Variants in C1orf21 observed in about 807,000 individuals in gnomAD.
C1orf21 encodes uncharacterized protein C1orf21.
In C1orf21, 3 loss-of-function variants were observed where a neutral mutation model predicts 18.7. The observed-to-expected ratio is 0.16, with a 90% CI of 0.07 to 0.42. C1orf21 has a LOEUF of 0.42. Among genes scored for constraint, C1orf21 ranks in the 10% least tolerant of loss-of-function variants. The pLI is 0.99. For missense variants in C1orf21, 104 were observed against 143.6 expected (o/e 0.72, Z 1.41); for synonymous variants, 41 against 46.4 (o/e 0.88, Z 0.47).
At chr1:184,614,636 C>T (rs1367978139) in intron 5 of C1orf21, among the ~76,000 whole-genome samples, 1 of 152,102 alleles carries the variant, frequency 6.6e-6, no homozygotes, top group Non-Finnish European at 1.5e-5. Context: ...TTATTGTGCA[C>T]TTAATTTCTG....
At chr1:184,414,758 G>C (rs374337204) in intron 1 of C1orf21, among the ~76,000 whole-genome samples, 1 of 152,048 alleles carries the variant, frequency 6.6e-6, no homozygotes, top group Non-Finnish European at 1.5e-5. Flanking sequence ...TGTTGATACT[G>C]TTCCTTTGTT....
chr1:184,574,949 G>A (rs1432121083), intron 3 of C1orf21, among the ~76,000 whole-genome samples: 4 of 152,198 alleles, frequency 2.6e-5, no homozygotes, highest in Non-Finnish European at 4.4e-5. Flanking sequence ...CACCAAATTC[G>A]AGGGCAAGTG....
At chr1:184,498,148 A>G (rs1657921175) in intron 2 of C1orf21, among the ~76,000 whole-genome samples, 1 of 152,102 alleles carries the variant, frequency 6.6e-6, no homozygotes, top group Non-Finnish European at 1.5e-5. Flanking sequence ...CTGCATCACA[A>G]AAGTGCACTA....
At chr1:184,494,598 T>C (rs2101957688) in intron 2 of C1orf21, among the ~76,000 whole-genome samples, 1 of 152,236 alleles carries the variant, frequency 6.6e-6, no homozygotes, top group South Asian at 2.1e-4. Flanking sequence ...CATTAGAGCA[T>C]ATTGTATCTG....
At chr1:184,584,258 T>C (rs1366258459) in intron 3 of C1orf21, among the ~76,000 whole-genome samples, 4 of 150,926 alleles carry the variant, frequency 2.7e-5, no homozygotes, top group African/African-American at 9.8e-5. Flanking sequence ...TTTATGCAAA[T>C]GCGCCAACAA....
intron 2 of C1orf21, among the ~76,000 whole-genome samples, chr1:184,483,662 G>T (rs1442871796): frequency 6.6e-6 from 1 of 152,154 alleles, no homozygotes; most frequent in Non-Finnish European, 1.5e-5. Flanking sequence ...AAGAACTGCA[G>T]TGTCCTCAGG....
intron 1 of C1orf21, among the ~76,000 whole-genome samples, chr1:184,411,462 C>T (rs1656352210): frequency 1.4e-5 from 2 of 146,012 alleles, no homozygotes; most frequent in African/African-American, 5.0e-5. Context: ...CACTCTGTCG[C>T]CCAGGCTGGA....
intron 1 of C1orf21, among the ~76,000 whole-genome samples, chr1:184,442,853 A>G (rs1286316042): frequency 6.6e-6 from 1 of 152,204 alleles, no homozygotes; most frequent in Non-Finnish European, 1.5e-5. Context: ...ATATACATTA[A>G]TGTGTGAATT....
intron 3 of C1orf21, among the ~76,000 whole-genome samples, chr1:184,547,896 T>A (rs1028237022): frequency 1.1e-4 from 16 of 152,184 alleles, no homozygotes; most frequent in African/African-American, 3.9e-4. Flanking sequence ...AGAAATGTGC[T>A]GCTCCAAGGC....
At chr1:184,514,735 C>T (rs567367568) in intron 3 of C1orf21, among the ~76,000 whole-genome samples, 1 of 152,290 alleles carries the variant, frequency 6.6e-6, no homozygotes, top group East Asian at 1.9e-4. Flanking sequence ...AATAACCTCC[C>T]TGCTTGTCGA....
At chr1:184,461,786 C>T (rs548085089) in intron 1 of C1orf21, among the ~76,000 whole-genome samples, 11 of 152,046 alleles carry the variant, frequency 7.2e-5, no homozygotes, top group Non-Finnish European at 1.5e-4. Flanking sequence ...CTTTGACGTA[C>T]AAATAAACAG....
intron 1 of C1orf21, among the ~76,000 whole-genome samples, chr1:184,456,875 T>C (rs528056115): frequency 6.6e-6 from 1 of 152,348 alleles, no homozygotes; most frequent in Admixed American, 6.5e-5. Flanking sequence ...ATATGTATTC[T>C]TAGATGTCTC....
intron 3 of C1orf21, among the ~76,000 whole-genome samples, chr1:184,586,379 G>A (rs1242926801): frequency 6.6e-6 from 1 of 151,476 alleles, no homozygotes; most frequent in African/African-American, 2.4e-5. Context: ...GCCCCCTGGG[G>A]TTCACGCCAT....
chr1:184,510,650 G>A (rs961099642), intron 3 of C1orf21, among the ~76,000 whole-genome samples: 1 of 152,190 alleles, frequency 6.6e-6, no homozygotes, highest in African/African-American at 2.4e-5. Context: ...GCAGAGAAGA[G>A]GAGTAGGTGT....
intron 3 of C1orf21, among the ~76,000 whole-genome samples, chr1:184,581,692 A>AT (rs2101995038): frequency 6.6e-6 from 1 of 152,318 alleles, no homozygotes; most frequent in African/African-American, 2.4e-5. Context: ...CTTTTAATAA[A>AT]TTTGTTGGTA....
chr1:184,547,419 A>ATTT (rs1658741569), intron 3 of C1orf21, among the ~76,000 whole-genome samples: 2 of 81,330 alleles, frequency 2.5e-5, no homozygotes, highest in African/African-American at 6.7e-5. Context: ...ATACATCCAG[A>ATTT]CTTTTTTTTT....
chr1:184,593,295 A>G (rs1330389866), intron 4 of C1orf21, among the ~76,000 whole-genome samples: 1 of 138,710 alleles, frequency 7.2e-6, no homozygotes, highest in Admixed American at 6.9e-5. Context: ...GTGTGTGTGT[A>G]CACACACATG....
At chr1:184,452,016 A>G (rs2378886) in intron 1 of C1orf21, among the ~76,000 whole-genome samples, 151,040 of 152,300 alleles carry the variant, frequency 0.99, 74,902 homozygotes, top group East Asian at 1. Context: ...CCTGGAAGGC[A>G]AAAAATTTTG....
chr1:184,415,294 G>A (rs1298045819), intron 1 of C1orf21, among the ~76,000 whole-genome samples: 1 of 152,202 alleles, frequency 6.6e-6, no homozygotes. Context: ...AAATCACTTA[G>A]CCTCTTTGGA....
Sources: allele counts gnomAD v4.1 joint callset (sites outside exome capture counted in the v4.1 genomes callset), GRCh38; gene constraint gnomAD v4.1.1; transcripts MANE v1.5; gene names NCBI Gene and HGNC (gene_info 2026-07-23, HGNC 2026-07-21).